BMP7: variants seen among roughly 807,000 people sequenced by gnomAD.
BMP7 encodes osteogenic protein 1.
In BMP7, 12 loss-of-function variants were observed where a neutral mutation model predicts 41.2. The ratio of observed to expected loss-of-function variants is 0.29; its 90% CI spans 0.19 to 0.47. BMP7 has a LOEUF of 0.47. Ranked by LOEUF, BMP7 falls within the 20% of genes least tolerant of loss-of-function variation. BMP7 has a pLI of 0.99. For synonymous variants in BMP7, 248 were observed against 250.0 expected (o/e 0.99, Z 0.07); for missense variants, 467 against 606.0 (o/e 0.77, Z 2.41).
intron 2 of BMP7, among the ~76,000 whole-genome samples, chr20:57,216,474 ACCTGAGGACGAGGGCGCTGTCT>A (rs1463449756): frequency 4.4e-4 from 61 of 140,198 alleles, no homozygotes; most frequent in Non-Finnish European, 6.4e-4. Flanking sequence ...AGAGGGGTGC[ACCTGAGGACGAGGGCGCTGTCT>A]CCTGAGGGCG....
chr20:57,192,699 G>A (rs544683074), intron 3 of BMP7, among the ~76,000 whole-genome samples: 18 of 151,408 alleles, frequency 1.2e-4, no homozygotes, highest in Non-Finnish European at 2.2e-4. Flanking sequence ...TATTTTAGCA[G>A]AGGTTTAATA....
intron 2 of BMP7, among the ~76,000 whole-genome samples, chr20:57,207,413 C>T (rs74481991): frequency 0.034 from 5,152 of 152,244 alleles, 297 homozygotes; most frequent in African/African-American, 0.12. Flanking sequence ...GAAGAACCAC[C>T]CAGCTAAGCC....
Position 57,169,143 on chromosome 20 carries a change from C to G in BMP7, c.*1816G>C, listed in dbSNP as rs552753626. ...CAAACATAACAAAAAATACTCCTCC[C>G]CAGTGACTAGAGAGTGGAGGCTGCA... On this transcript the variant is annotated 3_prime_UTR_variant, in exon 7 of 7. Transcript: ENST00000395863. The G allele has an allele frequency of 6.6e-6, 1 of 152,268 alleles. No individual in the cohort carries two copies. Among genetic ancestry groups the G allele is most frequent in the East Asian group, 1.9e-4 (1 of 5,178 alleles). The allele number at this position is 152,268 out of a possible 1,614,324, so 9.4% of individuals were successfully genotyped here.
chr20:57,203,933 C>T (rs1274555804), intron 2 of BMP7, among the ~76,000 whole-genome samples: 2 of 152,220 alleles, frequency 1.3e-5, no homozygotes, highest in African/African-American at 4.8e-5. Flanking sequence ...GGTTGAAATG[C>T]CTGACCAGTC....
intron 3 of BMP7, among the ~76,000 whole-genome samples, chr20:57,202,259 G>A (rs969778709): frequency 3.3e-5 from 5 of 152,122 alleles, no homozygotes; most frequent in Non-Finnish European, 7.4e-5. Flanking sequence ...GTGTAATGAA[G>A]CCTTACCCAA....
intron 2 of BMP7, among the ~76,000 whole-genome samples, chr20:57,209,753 G>A (rs967095144): frequency 1.3e-5 from 2 of 152,138 alleles, no homozygotes; most frequent in East Asian, 3.9e-4. Flanking sequence ...ACATTTACAC[G>A]CATACACACC....
At chr20:57,245,212 G>C (rs1458695854) in intron 1 of BMP7, among the ~76,000 whole-genome samples, 2 of 152,190 alleles carry the variant, frequency 1.3e-5, no homozygotes, top group African/African-American at 4.8e-5. Context: ...AGTTCACATT[G>C]TAAGAACTCA....
In BMP7 at chr20:57,171,781, C is replaced by G. The variant is rs746881250; in HGVS notation, c.1147-673G>C. ...CAGGCAAGAGCATCAGTGACTGGCA[C>G]TCTGTTCACAGCCTCCAGGCTGTGA... On this transcript the variant is annotated intron_variant, in intron 6 of 6. Transcript: ENST00000395863. This position sits in a 1 kb window ranked among gnomAD's most constrained non-coding sequence, Gnocchi z 4.5. Among the ~76,000 whole-genome samples, 17 of 152,200 alleles carry G rather than the reference C, an allele frequency of 1.1e-4. No individual in the cohort carries two copies. Among genetic ancestry groups the G allele is most frequent in the Non-Finnish European group, 1.8e-4 (12 of 68,034 alleles).
intron 4 of BMP7, among the ~76,000 whole-genome samples, chr20:57,182,422 C>G (rs116498304): frequency 2.6e-5 from 4 of 152,264 alleles, no homozygotes; most frequent in African/African-American, 9.6e-5. Context: ...ACCCCAGCCA[C>G]AGCCCCAGTG....
chr20:57,172,504 A>G (rs1159521656), intron 6 of BMP7, among the ~76,000 whole-genome samples: 1 of 152,250 alleles, frequency 6.6e-6, no homozygotes, highest in Non-Finnish European at 1.5e-5. Flanking sequence ...CTCTGTCACT[A>G]GAAGCATTCA....
rs1281079613 is a variant in BMP7, at chr20:57,171,148, G to A, written c.1147-40C>T. On this transcript the variant is annotated intron_variant, in intron 6 of 6. Coordinates refer to ENST00000395863, the MANE Select transcript of BMP7 (RefSeq NM_001719.3). This position sits in a 1 kb window ranked among gnomAD's most constrained non-coding sequence, Gnocchi z 4.5. ...AAAACATGGGCAGTGGTGAGAAGCG[G>A]TGAGTCGTTCTAACTGGCCTCCACG... 1 of 1,613,862 alleles carries A rather than the reference G, an allele frequency of 6.2e-7. No homozygotes were observed. The highest frequency in any genetic ancestry group is 2.2e-5 in the East Asian group (1 of 44,872).
chr20:57,176,459 T>C (rs1320490866), intron 4 of BMP7, among the ~76,000 whole-genome samples: 1 of 152,156 alleles, frequency 6.6e-6, no homozygotes, highest in Non-Finnish European at 1.5e-5. Context: ...TCATCCCATA[T>C]AGAAAACGGC....
At chr20:57,235,598 A>G (rs2123124096) in intron 1 of BMP7, among the ~76,000 whole-genome samples, 1 of 152,120 alleles carries the variant, frequency 6.6e-6, no homozygotes, top group South Asian at 2.1e-4. Flanking sequence ...TGCTGAATGG[A>G]CTCTTAAGGA....
chr20:57,206,240 G>A (rs1410261634), intron 2 of BMP7, among the ~76,000 whole-genome samples: 1 of 152,164 alleles, frequency 6.6e-6, no homozygotes, highest in East Asian at 1.9e-4. Flanking sequence ...CAGGGTGAAA[G>A]GCCCTGAGGA....
At chr20:57,240,759 T>C (rs1456059968) in intron 1 of BMP7, among the ~76,000 whole-genome samples, 2 of 152,216 alleles carry the variant, frequency 1.3e-5, no homozygotes, top group Non-Finnish European at 2.9e-5. Flanking sequence ...TGGAAACCCC[T>C]GATCAAACCA....
intron 2 of BMP7, among the ~76,000 whole-genome samples, chr20:57,216,570 T>TGAGGGGCTGTCTCTTGAGGGC (rs1568718216): frequency 6.1e-5 from 7 of 115,254 alleles, no homozygotes; most frequent in African/African-American, 6.1e-5. Context: ...CTCCTGAGGG[T>TGAGGGGCTGTCTCTTGAGGGC]GAGGGGCTGT....
intron 4 of BMP7, among the ~76,000 whole-genome samples, chr20:57,181,754 T>C (rs1293815511): frequency 7.2e-5 from 11 of 151,964 alleles, no homozygotes; most frequent in Admixed American, 6.6e-4. Flanking sequence ...GCCCCACTCA[T>C]CTCCACCCCT....
intron 1 of BMP7, among the ~76,000 whole-genome samples, chr20:57,247,367 A>T (rs1406802047): frequency 1.3e-5 from 2 of 152,218 alleles, no homozygotes; most frequent in African/African-American, 4.8e-5. Flanking sequence ...CAGTCACAAG[A>T]TGGCTGCTGT....
chr20:57,230,497 G>A (rs1220158780), intron 1 of BMP7, among the ~76,000 whole-genome samples: 2 of 151,600 alleles, frequency 1.3e-5, no homozygotes, highest in South Asian at 2.1e-4. Context: ...GTACAATCCC[G>A]CATAGGTAGG....
Sources: gnomAD v4.1 joint callset for allele counts (sites outside exome capture counted in the v4.1 genomes callset) on GRCh38, gnomAD v4.1.1 for gene constraint, Gnocchi (gnomAD v3.1) non-coding constraint, MANE v1.5 for transcripts, NCBI Gene and HGNC (gene_info 2026-07-23, HGNC 2026-07-21) for gene names.